PTPRD: variants seen among roughly 807,000 people sequenced by gnomAD.
PTPRD encodes the protein receptor-type tyrosine-protein phosphatase delta.
A neutral mutation model predicts 214.5 loss-of-function variants in PTPRD; 34 were observed. The observed-to-expected ratio is 0.16, with a 90% CI of 0.12 to 0.21. The LOEUF (loss-of-function observed/expected upper bound fraction) is 0.21, where lower values mean the gene tolerates loss of function less well. Ranked by LOEUF, PTPRD falls within the 10% of genes least tolerant of loss-of-function variation. PTPRD has a pLI of 1.00. For missense variants in PTPRD, 2,545 were observed against 2,398.7 expected (o/e 1.06, Z -1.27); for synonymous variants, 1,128 against 845.7 (o/e 1.33, Z -5.79).
At position 8,726,589 on chromosome 9, in the gene PTPRD, ATATATATATATATATATATATATAT is replaced by A. The variant is rs2098567951; in HGVS notation, c.64+7166_64+7190del. Among the ~76,000 whole-genome samples, 12 of 12,916 alleles carry A rather than the reference ATATATATATATATATATATATATAT, an allele frequency of 9.3e-4. 3 individuals carry two copies. Among genetic ancestry groups the A allele is most frequent in the Non-Finnish European group, 1.4e-3 (11 of 8,102 alleles). The allele number at this position is 12,916 out of a possible 152,430, so 8.5% of individuals were successfully genotyped here. A position where few individuals can be genotyped will look rare whatever the true frequency, so the allele number is the denominator to read the frequency against. ...TCTACTAAAAAAAAAAAAAAAAAAA[ATATATATATATATATATATATATAT>A]ATATATATATATATATATATATATA... is the stretch of plus-strand genomic sequence containing the variant. On this transcript the variant is annotated intron_variant, in intron 12 of 45. Transcript: ENST00000381196.
intron 3 of PTPRD, among the ~76,000 whole-genome samples, chr9:10,034,715 G>A (rs530169679): frequency 2.2e-4 from 33 of 152,020 alleles, no homozygotes; most frequent in African/African-American, 7.7e-4. Flanking sequence ...TAAGGATAAT[G>A]GTCTCCGGCT....
chr9:10,000,499 T>A (rs1184007063), intron 4 of PTPRD, among the ~76,000 whole-genome samples: 1 of 152,094 alleles, frequency 6.6e-6, no homozygotes, highest in East Asian at 1.9e-4. Context: ...ATGACGCCCC[T>A]TTTCATCAGG....
At chr9:10,554,990 T>A (rs1022382850) in intron 2 of PTPRD, among the ~76,000 whole-genome samples, 2 of 152,200 alleles carry the variant, frequency 1.3e-5, no homozygotes, top group Non-Finnish European at 2.9e-5. Context: ...ATGTCTACCA[T>A]TTAGATAAGA....
At chr9:8,636,995 A>G (rs889075155) in intron 12 of PTPRD, 151 bp from the exon 13 acceptor site, 5 of 771,838 alleles carry the variant, frequency 6.5e-6, no homozygotes, top group Non-Finnish European at 9.8e-6. Flanking sequence ...TTAGAAAAGC[A>G]TCTTTTACTT....
intron 9 of PTPRD, among the ~76,000 whole-genome samples, chr9:9,374,482 A>G (rs1218199620): frequency 6.6e-6 from 1 of 152,164 alleles, no homozygotes; most frequent in Non-Finnish European, 1.5e-5. Context: ...TAACTATAAC[A>G]TAAAGTAAAA....
chr9:9,673,741 T>C (rs1156563522), intron 7 of PTPRD, among the ~76,000 whole-genome samples: 1 of 148,568 alleles, frequency 6.7e-6, no homozygotes, highest in Non-Finnish European at 1.5e-5. Context: ...CATACCTGGA[T>C]ACACTGTAAT....
At chr9:9,209,219 G>A (rs2890857) in intron 9 of PTPRD, among the ~76,000 whole-genome samples, 2 of 152,066 alleles carry the variant, frequency 1.3e-5, no homozygotes, top group African/African-American at 2.4e-5. Flanking sequence ...TGTAGAAAAC[G>A]GAGAAGATAG....
intron 12 of PTPRD, among the ~76,000 whole-genome samples, chr9:8,668,406 T>C (rs2097211100): frequency 6.6e-6 from 1 of 152,210 alleles, no homozygotes. Flanking sequence ...GATAGATACA[T>C]GGAGACACAT....
chr9:9,166,976 A>C (rs1047677824), intron 10 of PTPRD, among the ~76,000 whole-genome samples: 2 of 152,082 alleles, frequency 1.3e-5, no homozygotes, highest in African/African-American at 4.8e-5. Flanking sequence ...AGCTGAGTTA[A>C]GTAAGTATTA....
rs191881368 is a variant in PTPRD at position 8,633,110 on chromosome 9, C to A, written c.352+207G>T. On this transcript the variant is annotated intron_variant, in intron 14 of 45. Coordinates refer to ENST00000381196, the MANE Select transcript of PTPRD (RefSeq NM_002839.4). ...GTCAATGCTTTTTTCAGCTTTTTTA[C>A]CTCTGATATTCCCCCTGAACTCTAG... is the stretch of plus-strand genomic sequence containing the variant. 7.9e-5 allele frequency among the ~76,000 whole-genome samples: 12 copies of A among 152,016 alleles called. No homozygotes were observed. In the East Asian group the frequency reaches 2.3e-3, roughly 30 times the overall value.
chr9:10,468,820 A>G (rs2099011629), intron 2 of PTPRD, among the ~76,000 whole-genome samples: 1 of 152,114 alleles, frequency 6.6e-6, no homozygotes, highest in South Asian at 2.1e-4. Flanking sequence ...GGAAGGCAAA[A>G]ATGGTGGAAT....
chr9:9,951,021 C>T (rs914439978), intron 4 of PTPRD, among the ~76,000 whole-genome samples: 25 of 152,056 alleles, frequency 1.6e-4, no homozygotes, highest in Non-Finnish European at 7.4e-5. Context: ...ACAAGAGATT[C>T]TATTTCTGGT....
intron 3 of PTPRD, among the ~76,000 whole-genome samples, chr9:10,070,186 G>A (rs776819954): frequency 1.3e-5 from 2 of 151,958 alleles, no homozygotes; most frequent in Non-Finnish European, 2.9e-5. Context: ...GGCTTTTCTG[G>A]CTTAGGCAAT....
chr9:8,485,595 G>A (rs1591717981), intron 28 of PTPRD, 167 bp downstream of exon 28: 1 of 691,020 alleles, frequency 1.4e-6, no homozygotes, highest in Non-Finnish European at 2.4e-6. Context: ...TTCTATAACT[G>A]AAATCTAAGG....
intron 11 of PTPRD, among the ~76,000 whole-genome samples, chr9:8,837,179 T>C (rs2154531578): frequency 6.6e-6 from 1 of 151,958 alleles, no homozygotes. Flanking sequence ...CATGACCAGC[T>C]AATTTTTGTA....
chr9:9,657,316 A>C (rs1260850899), intron 7 of PTPRD, among the ~76,000 whole-genome samples: 1 of 152,156 alleles, frequency 6.6e-6, no homozygotes, highest in Non-Finnish European at 1.5e-5. Context: ...CATGGATGAA[A>C]CTGGAAACCA....
chr9:9,320,402 A>C (rs527387159), intron 9 of PTPRD, among the ~76,000 whole-genome samples: 1 of 152,190 alleles, frequency 6.6e-6, no homozygotes, highest in Non-Finnish European at 1.5e-5. Flanking sequence ...AGTTAAGCCT[A>C]TTCCTGAAAA....
intron 2 of PTPRD, among the ~76,000 whole-genome samples, chr9:10,555,091 C>T (rs534762940): frequency 1.8e-4 from 28 of 152,240 alleles, no homozygotes; most frequent in Middle Eastern, 3.4e-3. Context: ...CAGCTAGAGT[C>T]TTTGTAAAAG....
chr9:9,414,384 C>T (rs938355904), intron 8 of PTPRD, among the ~76,000 whole-genome samples: 3 of 152,092 alleles, frequency 2.0e-5, no homozygotes, highest in African/African-American at 4.8e-5. Context: ...AAGGTCTTTG[C>T]ATCAAAAAAT....
Sources: allele counts gnomAD v4.1 joint callset (sites outside exome capture counted in the v4.1 genomes callset), GRCh38; gene constraint gnomAD v4.1.1; transcripts MANE v1.5; gene names NCBI Gene and HGNC (gene_info 2026-07-23, HGNC 2026-07-21).